FAT3: variants seen among roughly 807,000 people sequenced by gnomAD.
The protein encoded by FAT3 is protocadherin Fat 3.
FAT3 carries 95 observed loss-of-function variants against 310.2 expected under a neutral mutation model. The ratio of observed to expected loss-of-function variants is 0.31; its 90% CI spans 0.26 to 0.36. The LOEUF (loss-of-function observed/expected upper bound fraction) is 0.36, where lower values mean the gene tolerates loss of function less well. Ranked by LOEUF, FAT3 falls within the 10% of genes least tolerant of loss-of-function variation. The pLI is 1.00. For missense variants in FAT3, 5,408 were observed against 5,715.6 expected (o/e 0.95, Z 1.74); for synonymous variants, 2,314 against 2,192.9 (o/e 1.06, Z -1.54).
At position 92,893,339 on chromosome 11, in the gene FAT3, G is replaced by T. The variant is rs1183574917; in HGVS notation, c.*2226G>T. ...GGCTGCTTTCGAGAACAAAGTCTTT[G>T]GTATTTTTCTTATGTAAGAAGCACA... On this transcript the variant is annotated 3_prime_UTR_variant, in exon 28 of 28. Transcript: ENST00000525166. 6.6e-6 allele frequency: 1 copy of T among 152,010 alleles called. No individual in the cohort carries two copies. Among genetic ancestry groups the T allele is most frequent in the African/African-American group, 2.4e-5 (1 of 41,376 alleles). The allele number at this position is 152,010 out of a possible 1,614,324, so 9.4% of individuals were successfully genotyped here.
At chr11:92,342,811 T>G (rs1948301573) in intron 1 of FAT3, among the ~76,000 whole-genome samples, 1 of 152,078 alleles carries the variant, frequency 6.6e-6, no homozygotes, top group Non-Finnish European at 1.5e-5. Context: ...AGAGAAAAAA[T>G]GAAATCATGC....
chr11:92,559,592 G>T lies in FAT3; in HGVS notation c.3607+34644G>T, dbSNP rs992172150. ...AGAGTCTCACTATGTTGCCCAAGCT[G>T]GTCTTGATCTCCTGGTCCCAAATGA... On this transcript the variant is annotated intron_variant, in intron 3 of 27. Transcript: ENST00000525166. The T allele has an allele frequency of 3.1e-5, 6 of 193,460 alleles. No individual in the cohort carries two copies. The Admixed American group carries it at 3.5e-4, about 11-fold the overall frequency. 12.0% of individuals were successfully genotyped at this position (193,460 alleles called of 1,614,324 possible).
At chr11:92,783,969 T>C (rs1946823049) in intron 7 of FAT3, among the ~76,000 whole-genome samples, 1 of 152,170 alleles carries the variant, frequency 6.6e-6, no homozygotes, top group Non-Finnish European at 1.5e-5. Flanking sequence ...TAAATTAGGA[T>C]TTCTCTATAG....
At chr11:92,816,925 G>A (rs570090203) in intron 13 of FAT3, among the ~76,000 whole-genome samples, 25 of 152,152 alleles carry the variant, frequency 1.6e-4, no homozygotes, top group East Asian at 1.4e-3. Flanking sequence ...GCAGTGAGCC[G>A]AGATCACCCC....
At position 92,866,816 on chromosome 11, in the gene FAT3, G is replaced by C. The variant is rs2136347804; in HGVS notation, c.11734G>C (p.Val3912Leu). 6.2e-7 allele frequency: 1 copy of C among 1,613,956 alleles called. No homozygotes were observed. Among genetic ancestry groups the C allele is most frequent in the Non-Finnish European group, 8.5e-7 (1 of 1,179,886 alleles). Residue 3912 changes from valine to leucine, a missense_variant, in exon 22 of 28, where the codon GTC (valine) becomes CTC (leucine). By Grantham distance (32) the Val-to-Leu change is conservative. Coordinates refer to ENST00000525166, the MANE Select transcript of FAT3 (RefSeq NM_001367949.2). The part of the protein sequence containing the change: ...PGILGISGRA[V>L]NDGSWHSVFL... ...AATCTTGGGCATCTCGGGCCGTGCT[G>C]TCAACGACGGGAGCTGGCACTCGGT...
At position 92,890,798 on chromosome 11, in the gene FAT3, G is replaced by A. The variant is rs1949901458; in HGVS notation, c.13455G>A (p.Arg4485=). Reference sequence around the variant, plus strand: ...CACTGAGCCCAGACTGCAGGAGAAGGCCCCAGTTTCATCCTAGCCAGTATC... The same window carrying A: ...CACTGAGCCCAGACTGCAGGAGAAGACCCCAGTTTCATCCTAGCCAGTATC... ...ASTLSPDCRR[R]PQFHPSQYLP... The change falls in exon 28 of 28, where the codon AGG becomes AGA. Residue 4485 remains arginine, a synonymous_variant. Coordinates refer to ENST00000525166, the MANE Select transcript of FAT3 (RefSeq NM_001367949.2). 1 of 1,613,456 alleles carries A rather than the reference G, an allele frequency of 6.2e-7. No homozygotes were observed. The highest frequency in any genetic ancestry group is 1.1e-5 in the South Asian group (1 of 91,058).
At chr11:92,780,299 A>T (rs1299209436) in intron 7 of FAT3, among the ~76,000 whole-genome samples, 1 of 151,786 alleles carries the variant, frequency 6.6e-6, no homozygotes, top group African/African-American at 2.4e-5. Context: ...AGTAGCTGAC[A>T]CTATAGGCAT....
intron 4 of FAT3, among the ~76,000 whole-genome samples, chr11:92,747,774 AC>A (rs1333512220): frequency 2.6e-5 from 4 of 152,186 alleles, no homozygotes; most frequent in African/African-American, 9.7e-5. Context: ...ACAAAATGCC[AC>A]CAGTCTCTTT....
chr11:92,335,981 C>T, intron 1 of FAT3: 1 of 435,438 alleles, frequency 2.3e-6, no homozygotes, highest in Non-Finnish European at 4.4e-6. Flanking sequence ...GTCAGAATGG[C>T]AGGCAAGGGG....
At chr11:92,263,682 C>G (rs1865659332) in intron 1 of FAT3, among the ~76,000 whole-genome samples, 1 of 151,358 alleles carries the variant, frequency 6.6e-6, no homozygotes, top group African/African-American at 2.4e-5. Flanking sequence ...TATTTGCATG[C>G]TTATAATTTT....
intron 2 of FAT3, among the ~76,000 whole-genome samples, chr11:92,501,791 C>T (rs923636306): frequency 6.6e-6 from 1 of 151,984 alleles, no homozygotes; most frequent in Non-Finnish European, 1.5e-5. Flanking sequence ...TTTATTTTCT[C>T]TCCTGCCTCT....
intron 7 of FAT3, among the ~76,000 whole-genome samples, chr11:92,782,824 CT>C (rs1188652933): frequency 6.6e-6 from 1 of 152,192 alleles, no homozygotes; most frequent in Non-Finnish European, 1.5e-5. Context: ...TCATCTCTAA[CT>C]GCTGTGTTTG....
At chr11:92,877,367 C>T (rs529038270) in intron 22 of FAT3, among the ~76,000 whole-genome samples, 12 of 152,266 alleles carry the variant, frequency 7.9e-5, no homozygotes, top group African/African-American at 2.2e-4. Context: ...CTTCCCTCTG[C>T]ACAACCAGGC....
Position 92,801,436 on chromosome 11 carries a change from A to G in FAT3, c.8423A>G (p.Asn2808Ser), listed in dbSNP as rs1450609781. ...GTAGATATCAAGGTATTGGATTTGA[A>G]TGACAACAAGCCAGTCTTTGAAACT... ...VDVDIKVLDL[N>S]DNKPVFETSS... is the part of the protein sequence containing the mutation. Residue 2808 changes from asparagine (N) to serine (S), a missense_variant, in exon 10 of 28, where the codon AAT (asparagine) becomes AGT (serine). Transcript: ENST00000525166. 1 of 1,613,778 alleles carries G rather than the reference A, an allele frequency of 6.2e-7. No homozygotes were observed. Among genetic ancestry groups the G allele is most frequent in the Non-Finnish European group, 8.5e-7 (1 of 1,179,882 alleles).
At position 92,831,655 on chromosome 11, in the gene FAT3, A is replaced by G; in HGVS notation, c.9515A>G (p.Asp3172Gly). 6.2e-7 allele frequency: 1 copy of G among 1,613,136 alleles called. No homozygotes were observed. Among genetic ancestry groups the G allele is most frequent in the Non-Finnish European group, 8.5e-7 (1 of 1,179,716 alleles). ...AGGAAGGTCGTGTACTCCCTGGCAG[A>G]CTCAGCTGGTGGGGTCTTCTCCATT... ...INRKVVYSLA[D>G]SAGGVFSIDS... is the part of the protein sequence containing the mutation. The change falls in exon 14 of 28, where the codon GAC becomes GGC. Residue 3172 changes from aspartate (D) to glycine (G), a missense_variant. Physicochemically the swap from Asp to Gly is moderately conservative, Grantham distance 94. Coordinates refer to ENST00000525166, the MANE Select transcript of FAT3 (RefSeq NM_001367949.2).
chr11:92,316,692 G>GA (rs201556654), intron 1 of FAT3, among the ~76,000 whole-genome samples: 46 of 150,398 alleles, frequency 3.1e-4, no homozygotes, highest in Admixed American at 4.6e-4. Context: ...TTGTGTTGAG[G>GA]AAAAAAAAAT....
Position 92,895,841 on chromosome 11 carries a change from A to C in FAT3, c.*4728A>C, listed in dbSNP as rs1319731281. ...TTTGTAGATACTATATTTGATGCCT[A>C]TCAGGATGCTTTAATTTGGGGGGTC... On this transcript the variant is annotated 3_prime_UTR_variant, in exon 28 of 28. Transcript: ENST00000525166. 1 of 152,140 alleles carries C rather than the reference A, an allele frequency of 6.6e-6. No individual in the cohort carries two copies. Among genetic ancestry groups the C allele is most frequent in the Non-Finnish European group, 1.5e-5 (1 of 68,026 alleles). 9.4% of individuals were successfully genotyped at this position (152,140 alleles called of 1,614,324 possible).
intron 1 of FAT3, among the ~76,000 whole-genome samples, chr11:92,323,590 T>C (rs1296459022): frequency 1.3e-5 from 2 of 151,084 alleles, no homozygotes; most frequent in Non-Finnish European, 3.0e-5. Flanking sequence ...TTTTTCTTTT[T>C]TTTTTTTTTT....
chr11:92,863,867 C>A (rs1333738480), intron 21 of FAT3, among the ~76,000 whole-genome samples: 1 of 152,166 alleles, frequency 6.6e-6, no homozygotes. Flanking sequence ...AGATTATTAA[C>A]TTTTCACAAG....
Sources: allele counts gnomAD v4.1 joint callset (sites outside exome capture counted in the v4.1 genomes callset), GRCh38; gene constraint gnomAD v4.1.1; transcripts MANE v1.5; gene names NCBI Gene and HGNC (gene_info 2026-07-23, HGNC 2026-07-21).